NTRK2: variants seen among roughly 807,000 people sequenced by gnomAD.
NTRK2 encodes the protein neurotrophic receptor tyrosine kinase 2.
In NTRK2, 13 loss-of-function variants were observed where a neutral mutation model predicts 94.5. The ratio of observed to expected loss-of-function variants is 0.14; its 90% CI spans 0.09 to 0.22. NTRK2 has a LOEUF of 0.22. Ranked by LOEUF, NTRK2 falls within the 10% of genes least tolerant of loss-of-function variation. NTRK2 has a pLI of 1.00. For synonymous variants in NTRK2, 372 were observed against 407.4 expected, an observed-to-expected ratio of 0.91 and a Z score of 1.05; for missense variants, 639 against 1,071.2, an observed-to-expected ratio of 0.60 and a Z score of 5.63.
intron 10 of NTRK2, among the ~76,000 whole-genome samples, chr9:84,743,099 C>G (rs865829175): frequency 6.6e-6 from 1 of 152,234 alleles, no homozygotes. Context: ...CCATGCCCGG[C>G]CTATATTAGC....
chr9:84,735,968 T>C (rs1263271661), intron 9 of NTRK2, among the ~76,000 whole-genome samples: 1 of 152,196 alleles, frequency 6.6e-6, no homozygotes, highest in Non-Finnish European at 1.5e-5. Flanking sequence ...ACCTGAAGCC[T>C]TTGTTAGCAT....
At chr9:84,951,289 C>T (rs769367537) in intron 16 of NTRK2, among the ~76,000 whole-genome samples, 1 of 152,158 alleles carries the variant, frequency 6.6e-6, no homozygotes, top group Non-Finnish European at 1.5e-5. Flanking sequence ...CAAAATTTTT[C>T]TTGTAAGTGA....
chr9:84,715,536 C>T (rs888416685), intron 6 of NTRK2, among the ~76,000 whole-genome samples: 1 of 152,080 alleles, frequency 6.6e-6, no homozygotes, highest in Non-Finnish European at 1.5e-5. Context: ...TTCAAACGGC[C>T]CTTCTAAACC....
chr9:84,729,703 C>G (rs551442588), intron 9 of NTRK2, among the ~76,000 whole-genome samples: 120 of 152,308 alleles, frequency 7.9e-4, no homozygotes, highest in Non-Finnish European at 1.4e-3. Context: ...GAACTTCAGA[C>G]TTATTTGAAT....
At chr9:84,767,708 C>T (rs79213363) in intron 12 of NTRK2, among the ~76,000 whole-genome samples, 90 of 152,216 alleles carry the variant, frequency 5.9e-4, no homozygotes, top group African/African-American at 2.1e-3. Flanking sequence ...TATCTTCTTC[C>T]CACATATTTC....
At position 85,007,292 on chromosome 9, in the gene NTRK2, A is replaced by G. The variant is rs373869239; in HGVS notation, c.2173-12914A>G. On this transcript the variant is annotated intron_variant, in intron 17 of 18. Coordinates refer to ENST00000277120, the MANE Select transcript of NTRK2 (RefSeq NM_006180.6). ...GCAGCACGTTTGAGGGACCTATGCC[A>G]TCAGAAAGAGCTAAAGGAGTTTGGG... Among the ~76,000 whole-genome samples, 4 of 152,368 alleles carry G rather than the reference A, an allele frequency of 2.6e-5. No homozygotes were observed. The East Asian group carries it at 5.8e-4, about 22-fold the overall frequency.
chr9:84,875,885 A>G, intron 14 of NTRK2: 1 of 1,039,774 alleles, frequency 9.6e-7, no homozygotes. Context: ...GCACAGTAAT[A>G]TTAAGTTTAA....
intron 12 of NTRK2, among the ~76,000 whole-genome samples, chr9:84,768,801 G>A (rs2066263685): frequency 6.6e-6 from 1 of 152,122 alleles, no homozygotes; most frequent in Admixed American, 6.6e-5. Flanking sequence ...AAGAAGCAGG[G>A]TGGGTGGCAG....
chr9:84,943,327 C>T (rs1426014326), intron 15 of NTRK2, among the ~76,000 whole-genome samples: 1 of 152,184 alleles, frequency 6.6e-6, no homozygotes, highest in Non-Finnish European at 1.5e-5. Flanking sequence ...TTTGCTGAAG[C>T]ATTTCATATG....
intron 12 of NTRK2, among the ~76,000 whole-genome samples, chr9:84,803,177 T>C (rs545254803): frequency 6.6e-6 from 1 of 152,270 alleles, no homozygotes; most frequent in Admixed American, 6.5e-5. Flanking sequence ...TCACTGTAGC[T>C]AGGTAATGTC....
chr9:84,746,029 A>C (rs1271603286), intron 11 of NTRK2, among the ~76,000 whole-genome samples: 1 of 152,026 alleles, frequency 6.6e-6, no homozygotes, highest in Non-Finnish European at 1.5e-5. Context: ...TATAAATTCC[A>C]AATCTGTCCA....
rs139164029 is a variant in NTRK2 at position 84,736,021 on chromosome 9, G to A, written c.1160-5871G>A. ...CAAGTTGCAACAATTTTGAAGGCCA[G>A]GTAGTCCTATAAATGTGAACATCAC... On this transcript the variant is annotated intron_variant, in intron 9 of 18. Transcript: ENST00000277120. Among the ~76,000 whole-genome samples, 574 of 152,282 alleles carry A rather than the reference G, an allele frequency of 3.8e-3. 5 individuals carry two copies. Among genetic ancestry groups the A allele is most frequent in the African/African-American group, 0.013 (536 of 41,548 alleles).
intron 9 of NTRK2, among the ~76,000 whole-genome samples, 154 bp from the exon 10 acceptor site, chr9:84,741,738 A>G (rs1003993691): frequency 6.6e-6 from 1 of 152,240 alleles, no homozygotes; most frequent in Non-Finnish European, 1.5e-5. Flanking sequence ...GGAACAACTC[A>G]AGAACTTAAA....
intron 17 of NTRK2, among the ~76,000 whole-genome samples, chr9:85,006,643 C>T (rs965884177): frequency 2.0e-5 from 3 of 149,870 alleles, no homozygotes; most frequent in African/African-American, 7.6e-5. Flanking sequence ...CTTCCCTTCT[C>T]ACTGACTTCT....
chr9:85,001,303 G>A (rs1830316628), intron 17 of NTRK2, among the ~76,000 whole-genome samples: 1 of 152,190 alleles, frequency 6.6e-6, no homozygotes, highest in South Asian at 2.1e-4. Flanking sequence ...GGCAGCCAGA[G>A]TACAGACAAA....
chr9:84,799,732 T>C (rs1475333049), intron 12 of NTRK2, among the ~76,000 whole-genome samples: 1 of 152,154 alleles, frequency 6.6e-6, no homozygotes, highest in African/African-American at 2.4e-5. Context: ...TGGTATTCCG[T>C]GCCATTCTAC....
chr9:84,869,338 AC>A (rs2075737532), intron 14 of NTRK2, among the ~76,000 whole-genome samples: 1 of 152,036 alleles, frequency 6.6e-6, no homozygotes, highest in African/African-American at 2.4e-5. Flanking sequence ...TAGGCCCTGC[AC>A]CCAACCGCAA....
chr9:84,683,670 T>C (rs1287800881), intron 2 of NTRK2, among the ~76,000 whole-genome samples: 1 of 152,208 alleles, frequency 6.6e-6, no homozygotes, highest in Non-Finnish European at 1.5e-5. Context: ...TGTGTCTTTA[T>C]AGTAGAATGA....
Position 84,727,917 on chromosome 9 carries a change from C to G in NTRK2, c.1117C>G (p.Gln373Glu), listed in dbSNP as rs2132082637. 1 of 1,614,138 alleles carries G rather than the reference C, an allele frequency of 6.2e-7. No individual in the cohort carries two copies. The highest frequency in any genetic ancestry group is 8.5e-7 in the Non-Finnish European group (1 of 1,180,032). The change falls in exon 9 of 19, where the codon CAG becomes GAG. Residue 373 changes from glutamine to glutamate, a missense_variant. Around this residue, in one of 5 missense-constraint regions of NTRK2, gnomAD observed 343 missense variants for 571.5 expected, o/e 0.60. Coordinates refer to ENST00000277120, the MANE Select transcript of NTRK2 (RefSeq NM_006180.6). ...GAATGAGTATGGGAAGGATGAGAAA[C>G]AGATTTCTGCTCACTTCATGGGCTG... ...AKNEYGKDEK[Q>E]ISAHFMGWPG... is the part of the protein sequence containing the mutation.
Sources: allele counts gnomAD v4.1 joint callset (sites outside exome capture counted in the v4.1 genomes callset), GRCh38; gene constraint gnomAD v4.1.1; regional missense constraint gnomAD v4.1.1; transcripts MANE v1.5; gene names NCBI Gene and HGNC (gene_info 2026-07-23, HGNC 2026-07-21).